Variants in LRP1B observed in about 807,000 individuals in gnomAD.
The protein encoded by LRP1B is low-density lipoprotein receptor-related protein 1B.
LRP1B carries 217 observed loss-of-function variants against 556.6 expected under a neutral mutation model. The observed-to-expected ratio is 0.39, with a 90% CI of 0.35 to 0.44. The LOEUF (loss-of-function observed/expected upper bound fraction) is 0.44, where lower values mean the gene tolerates loss of function less well. Among genes scored for constraint, LRP1B ranks in the 20% least tolerant of loss-of-function variants. The pLI is 1.00. For synonymous variants in LRP1B, 2,047 were observed against 1,865.8 expected, an observed-to-expected ratio of 1.10 and a Z score of -2.50; for missense variants, 5,053 against 5,620.8, an observed-to-expected ratio of 0.90 and a Z score of 3.23.
chr2:140,275,760 T>C (rs1268370661), intron 84 of LRP1B, among the ~76,000 whole-genome samples: 1 of 152,000 alleles, frequency 6.6e-6, no homozygotes, highest in Non-Finnish European at 1.5e-5. Context: ...AAACTCCCTG[T>C]AATCTGAACC....
chr2:140,389,974 A>T lies in LRP1B; in HGVS notation c.10415-3965T>A, dbSNP rs549925479. Among the ~76,000 whole-genome samples the T allele has an allele frequency of 2.0e-4, 31 of 152,042 alleles. 1 individual carries two copies. In the South Asian group the frequency reaches 6.2e-3, roughly 31 times the overall value. ...TGAAACCCCATCTCTACTAAAAAAC[A>T]TGAAAATTAGCCAGGTGTGGTGGCA... On this transcript the variant is annotated intron_variant, in intron 66 of 90. Coordinates refer to ENST00000389484, the MANE Select transcript of LRP1B (RefSeq NM_018557.3).
chr2:141,332,378 T>C (rs1171946032), intron 3 of LRP1B, among the ~76,000 whole-genome samples: 2 of 151,732 alleles, frequency 1.3e-5, no homozygotes, highest in Non-Finnish European at 2.9e-5. Context: ...GCTTACTCAA[T>C]GACCAATTTG....
In LRP1B at chr2:140,541,006, C is replaced by T. The variant is rs1680112187; in HGVS notation, c.7480G>A (p.Asp2494Asn). The T allele has an allele frequency of 6.2e-7, 1 of 1,611,212 alleles. No homozygotes were observed. The highest frequency in any genetic ancestry group is 1.1e-5 in the South Asian group (1 of 90,864). The change falls in exon 45 of 91, where the codon GAC becomes AAC. Residue 2494 changes from aspartate to asparagine, a missense_variant. By Grantham distance (23) the Asp-to-Asn change is conservative (BLOSUM62 1). Transcript: ENST00000389484. ...CTGTTGTCCTCTAGCAATATTCGGT[C>T]CCCTCTGCAGGAACAATTCACTCTC... ...NGRVNCSCRG[D>N]RILLEDNRCV...
intron 37 of LRP1B, among the ~76,000 whole-genome samples, chr2:140,708,758 T>C (rs1470027596): frequency 6.6e-6 from 1 of 151,960 alleles, no homozygotes; most frequent in Non-Finnish European, 1.5e-5. Flanking sequence ...CCTATAACTA[T>C]GAATTTACCA....
At chr2:140,884,736 G>T (rs1302829419) in intron 24 of LRP1B, among the ~76,000 whole-genome samples, 1 of 151,954 alleles carries the variant, frequency 6.6e-6, no homozygotes, top group East Asian at 1.9e-4. Flanking sequence ...TTTGAGACAG[G>T]GTCTCACTTT....
intron 41 of LRP1B, among the ~76,000 whole-genome samples, chr2:140,629,315 C>A (rs1367500408): frequency 6.6e-6 from 1 of 151,850 alleles, no homozygotes; most frequent in Admixed American, 6.6e-5. Flanking sequence ...CGATCCACCC[C>A]CCTTGGCCTC....
rs143368337 is a variant in LRP1B at position 140,364,514 on chromosome 2, G to T, written c.11131+147C>A. Reference sequence around the variant, plus strand: ...GAACCGGATTATCCCTTTATTACCTGAACAAAAGCTGTATCTGTGGTTATA... The same window carrying T: ...GAACCGGATTATCCCTTTATTACCTTAACAAAAGCTGTATCTGTGGTTATA... On this transcript the variant is annotated intron_variant, in intron 72 of 90. Transcript: ENST00000389484. 867 of 919,842 alleles carry T rather than the reference G, an allele frequency of 9.4e-4. 6 individuals carry two copies. The African/African-American group carries it at 0.013, about 14-fold the overall frequency. The allele number at this position is 919,842 out of a possible 1,614,324, so 57.0% of individuals were successfully genotyped here. A position where few individuals can be genotyped will look rare whatever the true frequency, so the allele number is the denominator to read the frequency against.
At chr2:142,019,503 C>G (rs1262820700) in intron 1 of LRP1B, among the ~76,000 whole-genome samples, 1 of 152,108 alleles carries the variant, frequency 6.6e-6, no homozygotes. Flanking sequence ...TCACTATTGT[C>G]ACTCCTTGCT....
chr2:140,803,290 T>TTTTTTTTTTTC lies in LRP1B; in HGVS notation c.5359+10366_5359+10367insGAAAAAAAAAA, dbSNP rs869303438. ...TTTTTTTTTTTTTTTTTTTTTTTTT[T>TTTTTTTTTTTC]CCGAGATGGAGTCTCCCTCTGTCTC... On this transcript the variant is annotated intron_variant, in intron 32 of 90. Coordinates refer to ENST00000389484, the MANE Select transcript of LRP1B (RefSeq NM_018557.3). 6.5e-4 allele frequency among the ~76,000 whole-genome samples: 75 copies of TTTTTTTTTTTC among 115,286 alleles called. 7 individuals carry two copies. Among genetic ancestry groups the TTTTTTTTTTTC allele is most frequent in the African/African-American group, 2.5e-3 (71 of 28,886 alleles). The allele number at this position is 115,286 out of a possible 152,430, so 75.6% of individuals were successfully genotyped here. A position where few individuals can be genotyped will look rare whatever the true frequency, so the allele number is the denominator to read the frequency against.
intron 10 of LRP1B, among the ~76,000 whole-genome samples, chr2:141,051,080 C>G (rs1240426270): frequency 6.6e-6 from 1 of 152,062 alleles, no homozygotes; most frequent in Non-Finnish European, 1.5e-5. Context: ...CAATGAGATA[C>G]TATCTCGCAC....
chr2:141,266,629 A>T (rs1004686905), intron 3 of LRP1B, among the ~76,000 whole-genome samples: 1 of 152,096 alleles, frequency 6.6e-6, no homozygotes, highest in Non-Finnish European at 1.5e-5. Context: ...AGCCCCAACC[A>T]CCTCAACTCA....
At chr2:140,943,435 A>G (rs1480893986) in intron 20 of LRP1B, among the ~76,000 whole-genome samples, 1 of 152,088 alleles carries the variant, frequency 6.6e-6, no homozygotes, top group Non-Finnish European at 1.5e-5. Flanking sequence ...TTTAATAGAC[A>G]TCTACAGAAT....
chr2:141,615,424 C>A (rs745882226), intron 2 of LRP1B, among the ~76,000 whole-genome samples: 12 of 152,098 alleles, frequency 7.9e-5, no homozygotes, highest in Non-Finnish European at 1.5e-4. Context: ...ACTGACATTT[C>A]CCAAATGCCC....
intron 2 of LRP1B, among the ~76,000 whole-genome samples, chr2:141,801,234 A>T (rs1317104805): frequency 6.6e-6 from 1 of 152,136 alleles, no homozygotes; most frequent in African/African-American, 2.4e-5. Context: ...TTTCCTCAGA[A>T]AATAATGGTA....
At chr2:140,802,813 C>G (rs1690561368) in intron 32 of LRP1B, among the ~76,000 whole-genome samples, 1 of 152,126 alleles carries the variant, frequency 6.6e-6, no homozygotes, top group Admixed American at 6.5e-5. Context: ...CCTATAAATT[C>G]AAGACCATTT....
At chr2:142,106,822 A>G (rs1706762383) in intron 1 of LRP1B, among the ~76,000 whole-genome samples, 1 of 152,180 alleles carries the variant, frequency 6.6e-6, no homozygotes, top group Admixed American at 6.5e-5. Flanking sequence ...AGGCAATGCT[A>G]TGCAACAATT....
intron 41 of LRP1B, among the ~76,000 whole-genome samples, chr2:140,613,905 G>A (rs777831338): frequency 4.6e-5 from 7 of 152,074 alleles, no homozygotes; most frequent in Non-Finnish European, 8.8e-5. Flanking sequence ...CCCTTGAGAT[G>A]TGTATGTATC....
At chr2:142,112,140 C>G (rs1209824955) in intron 1 of LRP1B, among the ~76,000 whole-genome samples, 2 of 151,946 alleles carry the variant, frequency 1.3e-5, no homozygotes, top group African/African-American at 4.8e-5. Context: ...CCTAACACCA[C>G]CCAGAAAACA....
At chr2:141,315,882 C>CTTTTTTTTTTTTTTTTTTTTTT (rs70991157) in intron 3 of LRP1B, among the ~76,000 whole-genome samples, 1 of 18,116 alleles carries the variant, frequency 5.5e-5, no homozygotes, top group Non-Finnish European at 9.2e-5. Context: ...TTAGTCTGGT[C>CTTTTTTTTTTTTTTTTTTTTTT]TTTTTTTTTT....
Sources: gnomAD v4.1 joint callset for allele counts (sites outside exome capture counted in the v4.1 genomes callset) on GRCh38, gnomAD v4.1.1 for gene constraint, MANE v1.5 for transcripts, NCBI Gene and HGNC (gene_info 2026-07-23, HGNC 2026-07-21) for gene names.